FRMD6: variants seen among roughly 807,000 people sequenced by gnomAD.
FRMD6 encodes FERM domain-containing protein 6.
FRMD6 carries 37 observed loss-of-function variants against 73.2 expected under a neutral mutation model. That is an observed-to-expected ratio of 0.51 (90% CI 0.39 to 0.66). The LOEUF (loss-of-function observed/expected upper bound fraction) is 0.66, where lower values mean the gene tolerates loss of function less well. Among genes scored for constraint, FRMD6 ranks in the 30% least tolerant of loss-of-function variants. The probability of loss-of-function intolerance (pLI) is 0.00; values close to 1 mark genes in which losing one functional copy is unlikely to be tolerated. For synonymous variants in FRMD6, 273 were observed against 282.2 expected, an observed-to-expected ratio of 0.97 and a Z score of 0.33; for missense variants, 714 against 780.5, an observed-to-expected ratio of 0.91 and a Z score of 1.02.
intron 1 of FRMD6, among the ~76,000 whole-genome samples, chr14:51,527,520 A>C (rs544761178): frequency 2.0e-5 from 3 of 152,348 alleles, no homozygotes; most frequent in Non-Finnish European, 2.9e-5. Flanking sequence ...ACCCATAAGG[A>C]AAATAGTACT....
intron 1 of FRMD6, among the ~76,000 whole-genome samples, chr14:51,529,688 C>A (rs1349031821): frequency 2.0e-5 from 3 of 152,146 alleles, no homozygotes; most frequent in Non-Finnish European, 2.9e-5. Flanking sequence ...GATAGACCAC[C>A]CTACCTTGAG....
intron 1 of FRMD6, among the ~76,000 whole-genome samples, chr14:51,528,313 T>C (rs1885379265): frequency 6.6e-6 from 1 of 152,148 alleles, no homozygotes; most frequent in Non-Finnish European, 1.5e-5. Flanking sequence ...CCAAAATCAG[T>C]AATACTACAA....
intron 2 of FRMD6, among the ~76,000 whole-genome samples, chr14:51,690,252 A>C (rs1895457744): frequency 6.6e-6 from 1 of 152,242 alleles, no homozygotes; most frequent in Non-Finnish European, 1.5e-5. Context: ...TTAAATGCTT[A>C]GAGTTGTCAC....
the FRMD6 span, among the ~76,000 whole-genome samples, chr14:51,426,053 T>C: frequency 2.6e-5 from 4 of 152,334 alleles, no homozygotes; most frequent in African/African-American, 7.2e-5. Flanking sequence ...CTCATAATTG[T>C]TAACAATCTT....
At chr14:51,441,234 G>A in the FRMD6 span, among the ~76,000 whole-genome samples, 1 of 152,204 alleles carries the variant, frequency 6.6e-6, no homozygotes, top group Non-Finnish European at 1.5e-5. Flanking sequence ...CTTGCCAAAT[G>A]CTCCACAACC....
chr14:51,442,468 G>A, the FRMD6 span, among the ~76,000 whole-genome samples: 1 of 152,152 alleles, frequency 6.6e-6, no homozygotes, highest in African/African-American at 2.4e-5. Flanking sequence ...GACCTCCAGA[G>A]GGAAGGCTAC....
At chr14:51,517,328 T>A (rs1884689605) in intron 1 of FRMD6, among the ~76,000 whole-genome samples, 1 of 151,734 alleles carries the variant, frequency 6.6e-6, no homozygotes, top group East Asian at 1.9e-4. Context: ...CAGTAATGAG[T>A]TTTCCAATCC....
chr14:51,573,325 G>C (rs200896948), intron 2 of FRMD6, among the ~76,000 whole-genome samples: 3 of 152,144 alleles, frequency 2.0e-5, no homozygotes, highest in East Asian at 3.9e-4. Context: ...TTGGAATTCT[G>C]AGGAGACCAC....
At chr14:51,448,047 A>G in the FRMD6 span, among the ~76,000 whole-genome samples, 1 of 152,152 alleles carries the variant, frequency 6.6e-6, no homozygotes, top group East Asian at 1.9e-4. Flanking sequence ...CTCTTTGGAT[A>G]CTTTTAAGAT....
chr14:51,469,275 T>C, the FRMD6 span, among the ~76,000 whole-genome samples: 1 of 151,176 alleles, frequency 6.6e-6, no homozygotes, highest in East Asian at 1.9e-4. Context: ...TATTTATTTA[T>C]TTATTTTTTA....
the FRMD6 span, among the ~76,000 whole-genome samples, chr14:51,427,036 C>T: frequency 6.0e-3 from 911 of 152,302 alleles, 11 homozygotes; most frequent in African/African-American, 0.021. Context: ...CCCTCCTCAT[C>T]AGATATGAGA....
chr14:51,722,414 C>T (rs1310538694), intron 12 of FRMD6, among the ~76,000 whole-genome samples: 1 of 152,198 alleles, frequency 6.6e-6, no homozygotes, highest in Non-Finnish European at 1.5e-5. Flanking sequence ...AGTCTGGCCT[C>T]CTTTTTACAG....
intron 1 of FRMD6, among the ~76,000 whole-genome samples, chr14:51,530,507 G>A (rs893488714): frequency 2.0e-5 from 3 of 152,046 alleles, no homozygotes; most frequent in African/African-American, 4.8e-5. Context: ...TTGAGACAGG[G>A]TCTTACTCTG....
intron 2 of FRMD6, among the ~76,000 whole-genome samples, chr14:51,612,624 T>TAA (rs1890558659): frequency 6.6e-6 from 1 of 152,212 alleles, no homozygotes; most frequent in South Asian, 2.1e-4. Context: ...AGGCACTCAC[T>TAA]AAGTGATGAC....
At chr14:51,499,116 AC>A (rs772631000) in intron 1 of FRMD6, among the ~76,000 whole-genome samples, 3 of 152,214 alleles carry the variant, frequency 2.0e-5, no homozygotes, top group Non-Finnish European at 4.4e-5. Context: ...TACTTCTCAC[AC>A]AGAGAGACCT....
chr14:51,446,445 G>GACACACACAC, the FRMD6 span, among the ~76,000 whole-genome samples: 15 of 139,116 alleles, frequency 1.1e-4, no homozygotes, highest in African/African-American at 2.2e-4. Flanking sequence ...CTCTTGTGTA[G>GACACACACAC]ACACACACAC....
chr14:51,673,994 C>T (rs1303671038), intron 1 of FRMD6, among the ~76,000 whole-genome samples: 1 of 152,312 alleles, frequency 6.6e-6, no homozygotes, highest in Middle Eastern at 3.4e-3. Context: ...GCTTAGGAAA[C>T]ATCACGACTT....
chr14:51,444,117 C>T, the FRMD6 span, among the ~76,000 whole-genome samples: 1 of 152,082 alleles, frequency 6.6e-6, no homozygotes, highest in Admixed American at 6.5e-5. Context: ...TTAGTTGAGA[C>T]AGGGTTTTGC....
the FRMD6 span, among the ~76,000 whole-genome samples, chr14:51,464,608 G>A: frequency 6.6e-6 from 1 of 152,166 alleles, no homozygotes; most frequent in South Asian, 2.1e-4. Context: ...CGCCACTCGT[G>A]CCCTGTTACT....
Sources: allele counts gnomAD v4.1 joint callset (sites outside exome capture counted in the v4.1 genomes callset), GRCh38; gene constraint gnomAD v4.1.1; transcripts MANE v1.5; gene names NCBI Gene and HGNC (gene_info 2026-07-23, HGNC 2026-07-21).